EXOC6B: variants seen among roughly 807,000 people sequenced by gnomAD.
The protein encoded by EXOC6B is SEC15 homolog B.
A neutral mutation model predicts 113.5 loss-of-function variants in EXOC6B; 54 were observed. The observed-to-expected ratio is 0.48, with a 90% CI of 0.38 to 0.60. EXOC6B has a LOEUF of 0.60. Among genes scored for constraint, EXOC6B ranks in the 20% least tolerant of loss-of-function variants. The probability of loss-of-function intolerance (pLI) is 0.00; values close to 1 mark genes in which losing one functional copy is unlikely to be tolerated. For synonymous variants in EXOC6B, 357 were observed against 339.0 expected (o/e 1.05, Z -0.58); for missense variants, 797 against 977.5 (o/e 0.82, Z 2.46).
chr2:72,438,035 A>G (rs1235781308), intron 18 of EXOC6B, among the ~76,000 whole-genome samples: 1 of 152,206 alleles, frequency 6.6e-6, no homozygotes, highest in Non-Finnish European at 1.5e-5. Context: ...ATGTGGTTAG[A>G]TCATTGAGTA....
At chr2:72,695,764 A>AT (rs1272397859) in intron 6 of EXOC6B, among the ~76,000 whole-genome samples, 2 of 152,156 alleles carry the variant, frequency 1.3e-5, no homozygotes, top group African/African-American at 2.4e-5. Flanking sequence ...CATAACAAGA[A>AT]TAAAAAAAAA....
chr2:72,729,354 G>A (rs1680498071), intron 5 of EXOC6B, among the ~76,000 whole-genome samples: 1 of 149,078 alleles, frequency 6.7e-6, no homozygotes, highest in Non-Finnish European at 1.5e-5. Context: ...ACACATATAT[G>A]AATCAAAACT....
rs150493725 is a variant in EXOC6B, at chr2:72,798,077, T to C, written c.113+27721A>G. ...CAAAGATAATCCCAATAAACTCTGC[T>C]CTCTTAATTTTGTCTTTACTTCCCT... On this transcript the variant is annotated intron_variant, in intron 1 of 21. Transcript: ENST00000272427. Among the ~76,000 whole-genome samples the C allele has an allele frequency of 4.2e-3, 635 of 152,214 alleles. 5 individuals carry two copies. The highest frequency in any genetic ancestry group is 0.015 in the African/African-American group (613 of 41,542).
intron 6 of EXOC6B, among the ~76,000 whole-genome samples, chr2:72,708,953 A>T (rs1477160613): frequency 9.1e-6 from 1 of 110,442 alleles, no homozygotes. Flanking sequence ...TATGTTGCCC[A>T]CACTAATCTC....
intron 19 of EXOC6B, among the ~76,000 whole-genome samples, chr2:72,347,423 G>A (rs748556856): frequency 6.6e-6 from 1 of 152,090 alleles, no homozygotes; most frequent in Non-Finnish European, 1.5e-5. Context: ...ACATATATCC[G>A]AAGCTATGGC....
In EXOC6B at chr2:72,342,333, A is replaced by T. The variant is rs191329801; in HGVS notation, c.2123-7313T>A. Among the ~76,000 whole-genome samples the T allele has an allele frequency of 2.9e-4, 44 of 152,264 alleles. 1 individual carries two copies. The East Asian group carries it at 8.3e-3, about 29-fold the overall frequency. ...ATAAAACTAAGAGTTAGCTTTCTTG[A>T]AAAGATAAACAAAATTGACAAGCCC... On this transcript the variant is annotated intron_variant, in intron 19 of 21. Coordinates refer to ENST00000272427, the MANE Select transcript of EXOC6B (RefSeq NM_015189.3).
rs191875795 is a variant in EXOC6B, at chr2:72,435,821, C to T, written c.1980+29339G>A. Among the ~76,000 whole-genome samples the T allele has an allele frequency of 3.9e-5, 6 of 152,020 alleles. No individual in the cohort carries two copies. The East Asian group carries it at 1.2e-3, about 29-fold the overall frequency. On this transcript the variant is annotated intron_variant, in intron 18 of 21. Coordinates refer to ENST00000272427, the MANE Select transcript of EXOC6B (RefSeq NM_015189.3). ...GCACGTGAGATGGATCTCCTGAATACAGCACACAGATGGTCTTGACTCTTT... is the reference window on the plus strand; with the variant it reads ...GCACGTGAGATGGATCTCCTGAATATAGCACACAGATGGTCTTGACTCTTT...
chr2:72,349,260 T>C (rs897342074), intron 19 of EXOC6B, among the ~76,000 whole-genome samples: 4 of 152,226 alleles, frequency 2.6e-5, no homozygotes, highest in East Asian at 1.9e-4. Flanking sequence ...GCTCCTGGCA[T>C]AGAGCTTCAA....
rs142265320 is a variant in EXOC6B at position 72,609,224 on chromosome 2, A to T, written c.670-33556T>A. Among the ~76,000 whole-genome samples, 37 of 152,296 alleles carry T rather than the reference A, an allele frequency of 2.4e-4. No individual in the cohort carries two copies. In the East Asian group the frequency reaches 5.4e-3, roughly 22 times the overall value. On this transcript the variant is annotated intron_variant, in intron 6 of 21. Coordinates refer to ENST00000272427, the MANE Select transcript of EXOC6B (RefSeq NM_015189.3). ...GGGAAAAAGCAGAAGAATGTGACTCATAATCAGGAGAACAAACAGCAATAG... is the reference window on the plus strand; with the variant it reads ...GGGAAAAAGCAGAAGAATGTGACTCTTAATCAGGAGAACAAACAGCAATAG...
intron 6 of EXOC6B, among the ~76,000 whole-genome samples, chr2:72,693,287 GTT>G (rs563080296): frequency 6.8e-6 from 1 of 146,978 alleles, no homozygotes; most frequent in African/African-American, 2.5e-5. Flanking sequence ...AGGTTTGCAG[GTT>G]TTTTTTTTTT....
intron 1 of EXOC6B, among the ~76,000 whole-genome samples, chr2:72,746,533 A>G (rs1248781985): frequency 1.3e-5 from 2 of 152,120 alleles, no homozygotes; most frequent in African/African-American, 4.8e-5. Context: ...GCATATTAAG[A>G]GATCTTAATT....
intron 6 of EXOC6B, among the ~76,000 whole-genome samples, chr2:72,675,484 G>A (rs1402222835): frequency 2.0e-5 from 3 of 152,116 alleles, no homozygotes; most frequent in Non-Finnish European, 4.4e-5. Flanking sequence ...TAAACTGGCA[G>A]GTCAAACATC....
At chr2:72,657,195 T>C (rs931528482) in intron 6 of EXOC6B, among the ~76,000 whole-genome samples, 89 of 151,630 alleles carry the variant, frequency 5.9e-4, no homozygotes, top group Non-Finnish European at 1.1e-3. Flanking sequence ...ATCTATTTTA[T>C]TGACTACTTA....
chr2:72,622,800 C>T (rs1285640168), intron 6 of EXOC6B, among the ~76,000 whole-genome samples: 1 of 152,048 alleles, frequency 6.6e-6, no homozygotes, highest in East Asian at 1.9e-4. Context: ...AAATAAATAA[C>T]ATAATGTCAT....
intron 1 of EXOC6B, among the ~76,000 whole-genome samples, chr2:72,775,351 C>G (rs2104964340): frequency 6.6e-6 from 1 of 152,286 alleles, no homozygotes; most frequent in African/African-American, 2.4e-5. Flanking sequence ...ATCTCATTAG[C>G]ATAAACTCAG....
intron 16 of EXOC6B, among the ~76,000 whole-genome samples, chr2:72,483,025 T>G (rs965772233): frequency 1.3e-5 from 2 of 152,176 alleles, no homozygotes; most frequent in Admixed American, 1.3e-4. Context: ...TAGTTTTAAT[T>G]CAGAAATTTT....
chr2:72,407,180 C>T (rs1024912316), intron 18 of EXOC6B, among the ~76,000 whole-genome samples: 3 of 152,134 alleles, frequency 2.0e-5, no homozygotes, highest in African/African-American at 7.2e-5. Context: ...AGTTGAATCT[C>T]TGAATAGACC....
intron 6 of EXOC6B, among the ~76,000 whole-genome samples, chr2:72,650,530 G>A (rs562837163): frequency 6.7e-4 from 102 of 152,064 alleles, no homozygotes; most frequent in African/African-American, 2.3e-3. Flanking sequence ...GAACCCGGGA[G>A]GTGGAGTGAG....
chr2:72,375,191 T>C (rs573598109), intron 19 of EXOC6B, among the ~76,000 whole-genome samples: 103 of 152,148 alleles, frequency 6.8e-4, no homozygotes, highest in Middle Eastern at 6.8e-3. Flanking sequence ...AAATGGAAAC[T>C]GACAGGATTG....
Sources: allele counts gnomAD v4.1 joint callset (sites outside exome capture counted in the v4.1 genomes callset), GRCh38; gene constraint gnomAD v4.1.1; transcripts MANE v1.5; gene names NCBI Gene and HGNC (gene_info 2026-07-23, HGNC 2026-07-21).